The following MICU1 variants were observed in gnomAD, a reference collection of about 807,000 sequenced individuals.
The protein encoded by MICU1 is mitochondrial calcium uptake 1.
MICU1 carries 45 observed loss-of-function variants against 56.8 expected under a neutral mutation model. The ratio of observed to expected loss-of-function variants is 0.79; its 90% confidence interval spans 0.62 to 1.02. The LOEUF (loss-of-function observed/expected upper bound fraction) is 1.02, where lower values mean the gene tolerates loss of function less well. Among genes scored for constraint, MICU1 ranks in the 50% least tolerant of loss-of-function variants. The pLI is 0.00. For missense variants in MICU1, 504 were observed against 587.1 expected, an observed-to-expected ratio of 0.86 and a Z score of 1.46; for synonymous variants, 186 against 195.1, an observed-to-expected ratio of 0.95 and a Z score of 0.39.
chr10:72,449,322 C>G (rs1865222222), intron 8 of MICU1, among the ~76,000 whole-genome samples: 1 of 152,120 alleles, frequency 6.6e-6, no homozygotes, highest in South Asian at 2.1e-4. Flanking sequence ...TGCTTGAACC[C>G]AGGAGGCAGA....
chr10:72,412,515 CATT>C (rs1305915207), intron 9 of MICU1, among the ~76,000 whole-genome samples: 1 of 152,202 alleles, frequency 6.6e-6, no homozygotes, highest in Non-Finnish European at 1.5e-5. Context: ...ATGAATTTAA[CATT>C]AGGAAGTTGC....
rs758537983 is a variant in MICU1, at chr10:72,494,842, TA to T, written c.652+13312del. On this transcript the variant is annotated intron_variant, in intron 6 of 11. Transcript: ENST00000361114. ...AAAAAATACACTTCAGCCCTGATTC[TA>T]AAAAAAAAAAAAACAAAACAAAAAA... Among the ~76,000 whole-genome samples the T allele has an allele frequency of 1.6e-3, 236 of 144,856 alleles. 2 individuals are homozygous for T. The highest frequency in any genetic ancestry group is 0.014 in the South Asian group (64 of 4,610).
intron 4 of MICU1, among the ~76,000 whole-genome samples, chr10:72,542,496 G>A (rs571698564): frequency 6.6e-6 from 1 of 152,304 alleles, no homozygotes; most frequent in East Asian, 1.9e-4. Flanking sequence ...AAGCAAACAA[G>A]TGCAGGAACC....
chr10:72,478,157 C>T (rs564061475), intron 6 of MICU1, among the ~76,000 whole-genome samples: 3 of 149,538 alleles, frequency 2.0e-5, no homozygotes, highest in Admixed American at 6.6e-5. Context: ...GTGTGAGCCA[C>T]GGCGTCTGGC....
At chr10:72,523,139 C>T (rs559285653) in intron 5 of MICU1, among the ~76,000 whole-genome samples, 114 of 152,206 alleles carry the variant, frequency 7.5e-4, no homozygotes, top group Middle Eastern at 3.4e-3. Flanking sequence ...AGTAAGGACA[C>T]CTATCCAAGT....
At chr10:72,377,659 T>C (rs1862569252) in intron 10 of MICU1, among the ~76,000 whole-genome samples, 1 of 152,116 alleles carries the variant, frequency 6.6e-6, no homozygotes, top group African/African-American at 2.4e-5. Context: ...TAAATCATGT[T>C]ATTGCTTCTG....
chr10:72,474,796 A>T (rs1866061864), intron 8 of MICU1, among the ~76,000 whole-genome samples: 1 of 152,226 alleles, frequency 6.6e-6, no homozygotes, highest in South Asian at 2.1e-4. Context: ...AAAAGCAGGA[A>T]TATATGCTCA....
At chr10:72,461,662 ACT>A (rs1374057181) in intron 8 of MICU1, among the ~76,000 whole-genome samples, 3 of 152,108 alleles carry the variant, frequency 2.0e-5, no homozygotes, top group Admixed American at 1.3e-4. Context: ...TTAAGAAAAG[ACT>A]CTGAGCCGGG....
At position 72,569,258 on chromosome 10, in the gene MICU1, G is replaced by A. The variant is rs1840545139; in HGVS notation, c.-1-2464C>T. Reference sequence around the variant, plus strand: ...ATATATTTTTTTTTTTTTTTGAGATGGCGTCTCACTCTGTTGCCCAAGCTG... The same window carrying A: ...ATATATTTTTTTTTTTTTTTGAGATAGCGTCTCACTCTGTTGCCCAAGCTG... On this transcript the variant is annotated intron_variant, in intron 1 of 11. Transcript: ENST00000361114. Among the ~76,000 whole-genome samples, 3 of 20,134 alleles carry A rather than the reference G, an allele frequency of 1.5e-4. 1 individual carries two copies. Among genetic ancestry groups the A allele is most frequent in the Non-Finnish European group, 1.5e-4 (1 of 6,884 alleles). 13.2% of individuals were successfully genotyped at this position (20,134 alleles called of 152,430 possible).
intron 6 of MICU1, among the ~76,000 whole-genome samples, chr10:72,502,316 G>A (rs976208654): frequency 2.0e-5 from 3 of 151,882 alleles, no homozygotes; most frequent in Non-Finnish European, 4.4e-5. Flanking sequence ...CACCATGCCC[G>A]GCTAATTTTT....
intron 8 of MICU1, among the ~76,000 whole-genome samples, chr10:72,459,409 T>C (rs1404926714): frequency 6.6e-6 from 1 of 152,164 alleles, no homozygotes; most frequent in Non-Finnish European, 1.5e-5. Context: ...CAAATACTTA[T>C]TGTGCACTTA....
chr10:72,574,085 C>T (rs1047242198), intron 1 of MICU1, among the ~76,000 whole-genome samples: 1 of 152,118 alleles, frequency 6.6e-6, no homozygotes, highest in African/African-American at 2.4e-5. Flanking sequence ...CTCTTCCAAT[C>T]CTTGCACTGG....
chr10:72,578,217 T>G (rs1023067704), intron 1 of MICU1, among the ~76,000 whole-genome samples: 2 of 152,162 alleles, frequency 1.3e-5, no homozygotes, highest in African/African-American at 4.8e-5. Context: ...AAAAGGACTG[T>G]CACTTGCTAA....
chr10:72,408,106 T>G lies in MICU1; in HGVS notation c.1072-69A>C, dbSNP rs1046813883. Reference sequence around the variant, plus strand: ...AAAGCAGCACGATATGCATAGGCAGTGATTCACATCTGCAAATCAGAAATT... The same window carrying G: ...AAAGCAGCACGATATGCATAGGCAGGGATTCACATCTGCAAATCAGAAATT... On this transcript the variant is annotated intron_variant, in intron 9 of 11. Transcript: ENST00000361114. 6.7e-6 allele frequency: 6 copies of G among 894,568 alleles called. No individual in the cohort carries two copies. In the Admixed American group the frequency reaches 1.1e-4, roughly 16 times the overall value. The allele number at this position is 894,568 out of a possible 1,614,324, so 55.4% of individuals were successfully genotyped here. A position where few individuals can be genotyped will look rare whatever the true frequency, so the allele number is the denominator to read the frequency against.
intron 1 of MICU1, among the ~76,000 whole-genome samples, chr10:72,615,468 A>G (rs1219133978): frequency 6.6e-6 from 1 of 151,988 alleles, no homozygotes; most frequent in Admixed American, 6.6e-5. Context: ...TTTCCTGTAA[A>G]CTGGAAGTTA....
At chr10:72,600,063 C>T (rs950884183) in intron 1 of MICU1, among the ~76,000 whole-genome samples, 3 of 150,858 alleles carry the variant, frequency 2.0e-5, no homozygotes, top group African/African-American at 7.3e-5. Context: ...AGGCTGAGGC[C>T]GGTGGATCAC....
intron 1 of MICU1, among the ~76,000 whole-genome samples, chr10:72,570,708 A>C (rs757868642): frequency 2.0e-5 from 3 of 152,110 alleles, no homozygotes; most frequent in African/African-American, 7.2e-5. Flanking sequence ...AAAAACTGTT[A>C]ATCTTTTCTC....
chr10:72,489,201 A>C (rs11000328), intron 6 of MICU1, among the ~76,000 whole-genome samples: 69,522 of 151,528 alleles, frequency 0.46, 20,114 homozygotes, highest in Non-Finnish European at 0.67. Context: ...GAGGCACGAG[A>C]ATCGCTTAAA....
chr10:72,441,615 C>CTTTTTTTTTTTTTTTTTTTTT (rs71018287), intron 8 of MICU1, among the ~76,000 whole-genome samples: 2 of 105,474 alleles, frequency 1.9e-5, no homozygotes, highest in Admixed American at 1.2e-4. Context: ...TTTAATTTTT[C>CTTTTTTTTTTTTTTTTTTTTT]TTTTTTTTTT....
Sources: gnomAD v4.1 joint callset for allele counts (sites outside exome capture counted in the v4.1 genomes callset) on GRCh38, gnomAD v4.1.1 for gene constraint, MANE v1.5 for transcripts, NCBI Gene and HGNC (gene_info 2026-07-23, HGNC 2026-07-21) for gene names.